Variants in SLCO2B1 observed in about 807,000 individuals in gnomAD.
The protein encoded by SLCO2B1 is OATP-RP2.
Under a neutral mutation model 67.3 loss-of-function variants are expected in SLCO2B1, and 41 were observed. The observed-to-expected ratio is 0.61, with a 90% CI of 0.47 to 0.79. SLCO2B1 has a LOEUF of 0.79. Ranked by LOEUF, SLCO2B1 falls within the 30% of genes least tolerant of loss-of-function variation. The pLI, the probability that SLCO2B1 is intolerant of heterozygous loss-of-function variation, is 0.00. For missense variants in SLCO2B1, 837 were observed against 920.1 expected (o/e 0.91, Z 1.17); for synonymous variants, 379 against 381.4 (o/e 0.99, Z 0.07).
intron 10 of SLCO2B1, among the ~76,000 whole-genome samples, chr11:75,199,123 C>G (rs1945144666): frequency 6.6e-6 from 1 of 152,114 alleles, no homozygotes; most frequent in Non-Finnish European, 1.5e-5. Flanking sequence ...GTATCTCCAG[C>G]CTGTAGTTGG....
chr11:75,194,678 C>T (rs574940015), intron 9 of SLCO2B1, among the ~76,000 whole-genome samples: 4 of 152,306 alleles, frequency 2.6e-5, no homozygotes, highest in Admixed American at 2.6e-4. Context: ...TTAGCCACCT[C>T]CTCAGGAAGT....
Position 75,178,395 on chromosome 11 carries a change from C to T in SLCO2B1, c.972+5826C>T, listed in dbSNP as rs533830579. On this transcript the variant is annotated intron_variant, in intron 7 of 13. Coordinates refer to ENST00000289575, the MANE Select transcript of SLCO2B1 (RefSeq NM_007256.5). ...AGTGCTTGTTCTTGGCATCTTTCTC[C>T]GAGCAGGCCAGCTCTTAAGGGGAAA... Among the ~76,000 whole-genome samples, 11 of 152,264 alleles carry T rather than the reference C, an allele frequency of 7.2e-5. No homozygotes were observed. The South Asian group carries it at 1.9e-3, about 26-fold the overall frequency.
In SLCO2B1 at chr11:75,189,641, G is replaced by T. The variant is rs148583491; in HGVS notation, c.1075+1403G>T. On this transcript the variant is annotated intron_variant, in intron 8 of 13. Transcript: ENST00000289575. ...AAGGAATTAGGCCTATTCTTGGGAA[G>T]AGCTTCCTAAGATTTGATGTTGGGG... Among the ~76,000 whole-genome samples, 72 of 152,212 alleles carry T rather than the reference G, an allele frequency of 4.7e-4. No individual in the cohort carries two copies. The East Asian group carries it at 0.014, about 29-fold the overall frequency.
At chr11:75,180,023 A>G (rs1273326327) in intron 7 of SLCO2B1, among the ~76,000 whole-genome samples, 7 of 136,448 alleles carry the variant, frequency 5.1e-5, no homozygotes, top group African/African-American at 1.9e-4. Flanking sequence ...TTTATTTATT[A>G]TTTATTTATT....
intron 1 of SLCO2B1, among the ~76,000 whole-genome samples, chr11:75,160,269 C>A (rs570960311): frequency 6.6e-6 from 1 of 152,196 alleles, no homozygotes; most frequent in Non-Finnish European, 1.5e-5. Flanking sequence ...GCTTCTTCCC[C>A]CTGTCAAACT....
At chr11:75,180,809 C>T (rs551220877) in intron 7 of SLCO2B1, among the ~76,000 whole-genome samples, 3 of 152,304 alleles carry the variant, frequency 2.0e-5, no homozygotes, top group East Asian at 1.9e-4. Context: ...ATAGTTATTA[C>T]CCCCATCTTA....
rs1346156675 is a variant in SLCO2B1 at position 75,203,125 on chromosome 11, A to G, written c.1828+160A>G. Reference sequence around the variant, plus strand: ...TGGCCCAGCTCTCCTAGAGCGGGGTATAGAGGCAGAGTCTAGACAGCCCGT... The same window carrying G: ...TGGCCCAGCTCTCCTAGAGCGGGGTGTAGAGGCAGAGTCTAGACAGCCCGT... On this transcript the variant is annotated intron_variant, in intron 12 of 13. Coordinates refer to ENST00000289575, the MANE Select transcript of SLCO2B1 (RefSeq NM_007256.5). The G allele has an allele frequency of 5.3e-6, 6 of 1,133,646 alleles. No individual in the cohort carries two copies. The African/African-American group carries it at 9.2e-5, about 17-fold the overall frequency. 70.2% of individuals were successfully genotyped at this position (1,133,646 alleles called of 1,614,324 possible).
At chr11:75,191,369 C>CT (rs1466281892) in intron 8 of SLCO2B1, among the ~76,000 whole-genome samples, 5 of 152,296 alleles carry the variant, frequency 3.3e-5, no homozygotes, top group African/African-American at 1.2e-4. Context: ...GGCAAGAAGG[C>CT]TGAGCAGCTA....
At chr11:75,176,936 C>T (rs961826910) in intron 7 of SLCO2B1, among the ~76,000 whole-genome samples, 24 of 152,204 alleles carry the variant, frequency 1.6e-4, no homozygotes, top group Non-Finnish European at 2.8e-4. Context: ...GACAGCACCA[C>T]GGGCCCTTGC....
At chr11:75,159,276 C>T (rs541924434) in intron 1 of SLCO2B1, among the ~76,000 whole-genome samples, 11 of 152,214 alleles carry the variant, frequency 7.2e-5, no homozygotes, top group Non-Finnish European at 1.3e-4. Flanking sequence ...GCTGTGGGTC[C>T]CTAGCCCCTG....
At chr11:75,181,547 T>A (rs1591824701) in intron 7 of SLCO2B1, among the ~76,000 whole-genome samples, 1 of 151,610 alleles carries the variant, frequency 6.6e-6, no homozygotes, top group Admixed American at 6.6e-5. Context: ...TGGCAGAGGG[T>A]TCCATATCAC....
intron 1 of SLCO2B1, among the ~76,000 whole-genome samples, chr11:75,154,496 A>C (rs1376008696): frequency 6.6e-6 from 1 of 152,060 alleles, no homozygotes; most frequent in African/African-American, 2.4e-5. Flanking sequence ...GTGAGACTCC[A>C]TCTCAAAAAC....
At chr11:75,155,997 G>A (rs72998515) in intron 1 of SLCO2B1, among the ~76,000 whole-genome samples, 33,270 of 151,992 alleles carry the variant, frequency 0.22, 4,081 homozygotes, top group Admixed American at 0.37. Context: ...GTTTGCAGAC[G>A]CAGCTGGGAG....
chr11:75,179,290 GGT>G (rs1328389235), intron 7 of SLCO2B1, among the ~76,000 whole-genome samples: 1 of 129,844 alleles, frequency 7.7e-6, no homozygotes, highest in Non-Finnish European at 1.6e-5. Context: ...GGAGTACAGT[GGT>G]GCGATCTTGG....
At chr11:75,171,743 G>C (rs961325818) in intron 6 of SLCO2B1, among the ~76,000 whole-genome samples, 2 of 152,136 alleles carry the variant, frequency 1.3e-5, no homozygotes, top group Non-Finnish European at 1.5e-5. Flanking sequence ...CTTGTTAAAG[G>C]TACGGGTTCC....
intron 7 of SLCO2B1, among the ~76,000 whole-genome samples, chr11:75,172,777 A>C (rs1271331772): frequency 1.3e-5 from 2 of 152,078 alleles, no homozygotes; most frequent in African/African-American, 4.8e-5. Context: ...AAAATAGAAA[A>C]AATTAGCCGG....
At chr11:75,176,855 G>A (rs554541781) in intron 7 of SLCO2B1, among the ~76,000 whole-genome samples, 6 of 152,290 alleles carry the variant, frequency 3.9e-5, no homozygotes, top group East Asian at 1.9e-4. Flanking sequence ...CAGGCACAGC[G>A]TCTAGACCCT....
At position 75,179,672 on chromosome 11, in the gene SLCO2B1, G is replaced by T. The variant is rs140175112; in HGVS notation, c.972+7103G>T. ...TTTTTCAATGTATAACCAATCAATA[G>T]AATGCATCATTTCTTTGTGTTTCAA... On this transcript the variant is annotated intron_variant, in intron 7 of 13. Transcript: ENST00000289575. Among the ~76,000 whole-genome samples the T allele has an allele frequency of 2.2e-3, 331 of 152,312 alleles. 7 individuals are homozygous for T. In the East Asian group the frequency reaches 0.052, roughly 24 times the overall value.
intron 8 of SLCO2B1, among the ~76,000 whole-genome samples, chr11:75,191,155 G>C (rs1945018158): frequency 6.6e-6 from 1 of 152,138 alleles, no homozygotes; most frequent in Non-Finnish European, 1.5e-5. Flanking sequence ...AGGGAGGATA[G>C]AAGGGAGGAT....
Sources: allele counts gnomAD v4.1 joint callset (sites outside exome capture counted in the v4.1 genomes callset), GRCh38; gene constraint gnomAD v4.1.1; transcripts MANE v1.5; gene names NCBI Gene and HGNC (gene_info 2026-07-23, HGNC 2026-07-21).